Variants in RAB5C observed in about 807,000 individuals in gnomAD.
RAB5C encodes RAB5C, member RAS oncogene family.
A neutral mutation model predicts 25.2 loss-of-function variants in RAB5C; 4 were observed. The observed-to-expected ratio is 0.16, with a 90% confidence interval of 0.08 to 0.36. The LOEUF (loss-of-function observed/expected upper bound fraction) is 0.36. RAB5C is among the 10% of genes least tolerant of loss of function. The pLI is 1.00. For synonymous variants in RAB5C, 100 were observed against 106.4 expected (o/e 0.94, Z 0.37); for missense variants, 199 against 283.8 (o/e 0.70, Z 2.15).
At chr17:42,147,188 C>T (rs1477205871) in intron 1 of RAB5C, among the ~76,000 whole-genome samples, 1 of 151,492 alleles carries the variant, frequency 6.6e-6, no homozygotes, top group Non-Finnish European at 1.5e-5. Flanking sequence ...GAAAGACCAG[C>T]CTCAAGGTGA....
At chr17:42,150,569 AAAAAT>A (rs2079664284) in intron 1 of RAB5C, among the ~76,000 whole-genome samples, 1 of 149,882 alleles carries the variant, frequency 6.7e-6, no homozygotes, top group African/African-American at 2.5e-5. Flanking sequence ...AAAAAAAAAA[AAAAAT>A]CAGCCAGACA....
intron 2 of RAB5C, 40 bp from the exon 3 acceptor site, chr17:42,128,840 G>A: frequency 7.1e-7 from 1 of 1,416,850 alleles, no homozygotes; most frequent in Non-Finnish European, 9.3e-7. Context: ...AGAGCGAGTT[G>A]GAATCCACCC....
intron 3 of RAB5C, 119 bp downstream of exon 3, chr17:42,128,530 T>TGGGGGGGGGGGGGGGGGGGGGGGGGGG: frequency 2.7e-6 from 2 of 730,790 alleles, no homozygotes; most frequent in Non-Finnish European, 4.1e-6. Flanking sequence ...ACAGGAAATC[T>TGGGGGGGGGGGGGGGGGGGGGGGGGGG]GCCCACCCCC....
intron 1 of RAB5C, among the ~76,000 whole-genome samples, chr17:42,146,121 A>G (rs533167043): frequency 6.6e-6 from 1 of 152,204 alleles, no homozygotes; most frequent in African/African-American, 2.4e-5. Flanking sequence ...TCCTCTTTAG[A>G]TGCTTGCCCA....
chr17:42,127,146 A>T (rs1041161998), intron 4 of RAB5C, among the ~76,000 whole-genome samples: 10 of 152,270 alleles, frequency 6.6e-5, no homozygotes, highest in African/African-American at 2.4e-4. Flanking sequence ...TAACCTACAA[A>T]TACACTTACA....
chr17:42,128,616 A>T, intron 3 of RAB5C, 33 bp downstream of exon 3: 1 of 1,436,734 alleles, frequency 7.0e-7, no homozygotes, highest in South Asian at 1.6e-5. Context: ...GAGAAGATGA[A>T]GGGCAAAGGA....
intron 1 of RAB5C, among the ~76,000 whole-genome samples, chr17:42,153,562 G>T (rs748485157): frequency 7.9e-5 from 12 of 152,178 alleles, no homozygotes; most frequent in Non-Finnish European, 1.5e-4. Context: ...AAGCGAGGGT[G>T]GTAAAGGTAG....
At chr17:42,134,401 A>G (rs1360305785) in intron 1 of RAB5C, among the ~76,000 whole-genome samples, 6 of 152,184 alleles carry the variant, frequency 3.9e-5, no homozygotes, top group Non-Finnish European at 1.5e-5. Context: ...TAAGAGCTAA[A>G]GTTACAGTCA....
rs1362204656 is a variant in RAB5C, at chr17:42,130,680, CACTGAAGACCT to C, written c.-88-101_-88-91del. On this transcript the variant is annotated intron_variant, in intron 1 of 5. Coordinates refer to ENST00000346213, the MANE Select transcript of RAB5C (RefSeq NM_004583.4). ...AATTACAGATCTTTCCCTCTGGCCT[CACTGAAGACCT>C]AGCTGACTGCTTCCCCTCACCTCAC... is the stretch of plus-strand genomic sequence containing the variant. The C allele has an allele frequency of 4.1e-5, 58 of 1,418,674 alleles. No individual in the cohort carries two copies. In the African/African-American group the frequency reaches 7.2e-4, roughly 18 times the overall value. 87.9% of individuals were successfully genotyped at this position (1,418,674 alleles called of 1,614,324 possible).
chr17:42,130,415 A>C lies in RAB5C; in HGVS notation c.88T>G (p.Ser30Ala). The change falls in exon 2 of 6, where the codon TCT becomes GCT. Residue 30 changes from serine (S) to alanine (A), a missense_variant. By Grantham distance (99) the Ser-to-Ala change is moderately conservative. Transcript: ENST00000346213. ...ACGAGGCTGGATTTGCCTACCGCAG[A>C]CTCCCCCAGCAGAACCAGCTTAAAT... ...CQFKLVLLGE[S>A]AVGKSSLVLR... 2.5e-6 allele frequency: 4 copies of C among 1,613,506 alleles called. No homozygotes were observed. Among genetic ancestry groups the C allele is most frequent in the Non-Finnish European group, 3.4e-6 (4 of 1,179,840 alleles).
chr17:42,130,247 A>G, intron 2 of RAB5C, 90 bp downstream of exon 2: 1 of 1,513,292 alleles, frequency 6.6e-7, no homozygotes, highest in Non-Finnish European at 8.9e-7. Flanking sequence ...TTAGTCCCTA[A>G]TGCAGGCAGG....
chr17:42,141,491 G>A (rs1395200541), intron 1 of RAB5C, among the ~76,000 whole-genome samples: 2 of 152,196 alleles, frequency 1.3e-5, no homozygotes, highest in Admixed American at 1.3e-4. Context: ...CTTACACTTG[G>A]CAAGTGAACG....
chr17:42,143,678 C>CAAAAACA (rs1312500128), intron 1 of RAB5C, among the ~76,000 whole-genome samples: 2 of 152,098 alleles, frequency 1.3e-5, no homozygotes, highest in East Asian at 3.8e-4. Flanking sequence ...AACCAAAAAC[C>CAAAAACA]AAAAACAAAA....
chr17:42,146,024 C>G (rs1441626862), intron 1 of RAB5C, among the ~76,000 whole-genome samples: 2 of 152,096 alleles, frequency 1.3e-5, no homozygotes, highest in African/African-American at 4.8e-5. Context: ...CCAGGCTGGT[C>G]TCGAACTCCT....
intron 1 of RAB5C, among the ~76,000 whole-genome samples, chr17:42,142,160 C>T (rs988707220): frequency 8.2e-6 from 1 of 122,486 alleles, no homozygotes; most frequent in Non-Finnish European, 1.6e-5. Context: ...AAACCATAAC[C>T]TCTTAAAAAA....
intron 1 of RAB5C, among the ~76,000 whole-genome samples, chr17:42,133,557 G>T (rs1477430093): frequency 6.6e-6 from 1 of 152,198 alleles, no homozygotes; most frequent in Non-Finnish European, 1.5e-5. Context: ...TCTCATGAAG[G>T]TTTGGCACAG....
chr17:42,128,494 T>C (rs976908027), intron 3 of RAB5C, 111 bp from the exon 4 acceptor site: 18 of 1,466,778 alleles, frequency 1.2e-5, no homozygotes, highest in Non-Finnish European at 1.5e-5. Context: ...CATTGCCACC[T>C]AAAGATTCTG....
intron 4 of RAB5C, among the ~76,000 whole-genome samples, chr17:42,127,466 C>T (rs1177202354): frequency 2.0e-5 from 3 of 152,066 alleles, no homozygotes; most frequent in Non-Finnish European, 2.9e-5. Flanking sequence ...TATACACATA[C>T]CCCTACCACC....
chr17:42,129,878 G>A (rs1245155158), intron 2 of RAB5C, among the ~76,000 whole-genome samples: 1 of 152,230 alleles, frequency 6.6e-6, no homozygotes, highest in Non-Finnish European at 1.5e-5. Flanking sequence ...ACAACAGGCT[G>A]TGAGCTCCAG....
Sources: allele counts gnomAD v4.1 joint callset (sites outside exome capture counted in the v4.1 genomes callset), GRCh38; gene constraint gnomAD v4.1.1; transcripts MANE v1.5; gene names NCBI Gene and HGNC (gene_info 2026-07-23, HGNC 2026-07-21).